IL17RE: variants seen among roughly 807,000 people sequenced by gnomAD.
IL17RE encodes interleukin-17 receptor E.
IL17RE carries 47 observed loss-of-function variants against 70.7 expected under a neutral mutation model. The ratio of observed to expected loss-of-function variants is 0.67; its 90% confidence interval spans 0.53 to 0.85. The LOEUF is 0.85. Among genes scored for constraint, IL17RE ranks in the 40% least tolerant of loss-of-function variants. IL17RE has a pLI of 0.00. For synonymous variants in IL17RE, 372 were observed against 381.2 expected (o/e 0.98, Z 0.28); for missense variants, 850 against 893.9 (o/e 0.95, Z 0.63).
At chr3:9,903,778 T>C (rs1188765295) in intron 2 of IL17RE, among the ~76,000 whole-genome samples, 6 of 152,260 alleles carry the variant, frequency 3.9e-5, no homozygotes, top group African/African-American at 1.2e-4. Flanking sequence ...CCCTCACTTC[T>C]ATCAGTAATA....
intron 12 of IL17RE, among the ~76,000 whole-genome samples, chr3:9,913,668 G>A (rs987683725): frequency 6.6e-6 from 1 of 152,204 alleles, no homozygotes; most frequent in Non-Finnish European, 1.5e-5. Flanking sequence ...AGCTGCTAGA[G>A]GACACAGACA....
At chr3:9,906,657 C>A (rs1379174579) in intron 4 of IL17RE, 49 bp from the exon 5 acceptor site, 3 of 1,604,764 alleles carry the variant, frequency 1.9e-6, no homozygotes, top group South Asian at 2.2e-5. Context: ...AAACAGAAGC[C>A]AGGTTTCCTG....
chr3:9,914,842 A>G (rs1208415767), intron 15 of IL17RE, 65 bp downstream of exon 15: 1 of 1,319,738 alleles, frequency 7.6e-7, no homozygotes, highest in African/African-American at 1.5e-5. Flanking sequence ...CTGCCCCCTC[A>G]CCCTCCCCTG....
rs2082829540 is a variant in IL17RE at position 9,909,162 on chromosome 3, G to C, written c.736-55G>C. On this transcript the variant is annotated intron_variant, in intron 7 of 15. Coordinates refer to ENST00000383814, the MANE Select transcript of IL17RE (RefSeq NM_153480.2). ...AAGCCAGAATGAGTTTTAGGTCTGA[G>C]TGAGATTGGAAAAGCCATTCCTCTG... is the stretch of plus-strand genomic sequence containing the variant. 2.8e-6 allele frequency: 4 copies of C among 1,438,154 alleles called. No individual in the cohort carries two copies. The East Asian group carries it at 9.1e-5, about 33-fold the overall frequency. 89.1% of individuals were successfully genotyped at this position (1,438,154 alleles called of 1,614,324 possible).
rs201328206 is a variant in IL17RE, at chr3:9,909,300, C to A, written c.802+17C>A. On this transcript the variant is annotated intron_variant, in intron 8 of 15. Transcript: ENST00000383814. ...CAGAAGCCTGTGAGTGCTGTTGACACGCACCCTTGTGCACACACATCCCCT... is the reference window on the plus strand; with the variant it reads ...CAGAAGCCTGTGAGTGCTGTTGACAAGCACCCTTGTGCACACACATCCCCT... 5.0e-6 allele frequency: 8 copies of A among 1,608,858 alleles called. No individual in the cohort carries two copies. Among genetic ancestry groups the A allele is most frequent in the Admixed American group, 3.3e-5 (2 of 59,834 alleles).
At position 9,911,007 on chromosome 3, in the gene IL17RE, C is replaced by T; in HGVS notation, c.945C>T (p.Asp315=). Reference sequence around the variant, plus strand: ...ACGACTGGCATACCCTTTGCAAAGACCTCCCGAATGCCACAGCTCGAGAGT... The same window carrying T: ...ACGACTGGCATACCCTTTGCAAAGATCTCCCGAATGCCACAGCTCGAGAGT... The part of the protein sequence containing the change: ...QRHDWHTLCK[D]LPNATARESD... Residue 315 remains aspartate, a synonymous_variant, in exon 9 of 16, where the codon GAC becomes GAT. Coordinates refer to ENST00000383814, the MANE Select transcript of IL17RE (RefSeq NM_153480.2). 1 of 1,614,188 alleles carries T rather than the reference C, an allele frequency of 6.2e-7. No individual in the cohort carries two copies. The highest frequency in any genetic ancestry group is 8.5e-7 in the Non-Finnish European group (1 of 1,180,034).
At position 9,904,064 on chromosome 3, in the gene IL17RE, T is replaced by C. The variant is rs762990550; in HGVS notation, c.181T>C (p.Trp61Arg). The change falls in exon 3 of 16, where the codon TGG (tryptophan) becomes CGG (arginine). Residue 61 changes from tryptophan to arginine, a missense_variant. Trp to Arg is a moderately radical substitution (Grantham distance 101). Coordinates refer to ENST00000383814, the MANE Select transcript of IL17RE (RefSeq NM_153480.2). ...SSAYIPCRTW[W>R]ALFSTKPWCV... ...TGCCTATATCCCTTGCCGCACCTGGTGGGCCCTCTTCTCCACAAAGCCTTG... is the reference window on the plus strand; with the variant it reads ...TGCCTATATCCCTTGCCGCACCTGGCGGGCCCTCTTCTCCACAAAGCCTTG... 1.5e-5 allele frequency: 24 copies of C among 1,614,174 alleles called. No homozygotes were observed. The highest frequency in any genetic ancestry group is 1.9e-5 in the Non-Finnish European group (22 of 1,180,010).
chr3:9,906,427 T>A lies in IL17RE; in HGVS notation c.332T>A (p.Phe111Tyr). 1.2e-6 allele frequency: 2 copies of A among 1,613,868 alleles called. No homozygotes were observed. The highest frequency in any genetic ancestry group is 1.7e-6 in the Non-Finnish European group (2 of 1,179,838). ...TCCAAAAAGTCTTCCACATTCAAGT[T>A]CTATAGGAGACACAAGATGCCAGCA... is the stretch of plus-strand genomic sequence containing the variant. ...QKSKKSSTFK[F>Y]YRRHKMPAPA... Residue 111 changes from phenylalanine to tyrosine, a missense_variant, in exon 4 of 16, where the codon TTC becomes TAC. Physicochemically the swap from Phe to Tyr is conservative, Grantham distance 22. Transcript: ENST00000383814.
At position 9,915,472 on chromosome 3, in the gene IL17RE, C is replaced by T. The variant is rs1306156830; in HGVS notation, c.1669C>T (p.Leu557=). ...RVAREQGTVL[L]LWSGADLRPV... Reference sequence around the variant, plus strand: ...AGCGCGGGAGCAGGGCACTGTGCTGCTGCTGTGGAGCGGCGCCGACCTTCG... The same window carrying T: ...AGCGCGGGAGCAGGGCACTGTGCTGTTGCTGTGGAGCGGCGCCGACCTTCG... Residue 557 remains leucine, a synonymous_variant, in exon 16 of 16, where the codon CTG becomes TTG. Transcript: ENST00000383814. This position sits in a 1 kb window ranked among gnomAD's most constrained non-coding sequence, Gnocchi z 4.9. 7.5e-7 allele frequency: 1 copy of T among 1,339,372 alleles called. No individual in the cohort carries two copies. The allele number at this position is 1,339,372 out of a possible 1,614,324, so 83.0% of individuals were successfully genotyped here.
Position 9,909,374 on chromosome 3 carries a change from C to CACA in IL17RE, c.802+91_802+92insACA, listed in dbSNP as rs60406150. The CACA allele has an allele frequency of 5.1e-3, 5,637 of 1,109,154 alleles. 140 individuals carry two copies. In the African/African-American group the frequency reaches 0.072, roughly 14 times the overall value. 68.7% of individuals were successfully genotyped at this position (1,109,154 alleles called of 1,614,324 possible). ...ACATGTACACACACACACACACACA[C>CACA]CCCGCACTTCACACATGTGCTGGGG... On this transcript the variant is annotated intron_variant, in intron 8 of 15. Coordinates refer to ENST00000383814, the MANE Select transcript of IL17RE (RefSeq NM_153480.2).
chr3:9,910,557 G>C (rs1291138315), intron 8 of IL17RE, among the ~76,000 whole-genome samples: 1 of 151,936 alleles, frequency 6.6e-6, no homozygotes, highest in Non-Finnish European at 1.5e-5. Flanking sequence ...AGCTGGGCTT[G>C]GTGGCACACA....
At position 9,914,542 on chromosome 3, in the gene IL17RE, C is replaced by T; in HGVS notation, c.1297-6C>T. 1.2e-6 allele frequency: 2 copies of T among 1,613,944 alleles called. No homozygotes were observed. The highest frequency in any genetic ancestry group is 1.7e-6 in the Non-Finnish European group (2 of 1,179,904). On this transcript the variant is annotated splice_polypyrimidine_tract_variant and splice_region_variant and intron_variant, in intron 13 of 15. Transcript: ENST00000383814. ...CTCATAGGGGTGGGGGGCTCTGTGC[C>T]CTCAGGTGTGGCGGTCAGATGTCCA...
In IL17RE at chr3:9,910,995, C is replaced by A. The variant is rs145456985; in HGVS notation, c.933C>A (p.Thr311=). ...AALCQRHDWH[T]LCKDLPNATA... The stretch of plus-strand genomic sequence containing the variant: ...TCTGCCAGAGGCACGACTGGCATAC[C>A]CTTTGCAAAGACCTCCCGAATGCCA... Residue 311 remains threonine (T), a synonymous_variant, in exon 9 of 16, where the codon ACC becomes ACA. Transcript: ENST00000383814. 2.4e-5 allele frequency: 39 copies of A among 1,614,036 alleles called. No homozygotes were observed. The highest frequency in any genetic ancestry group is 2.7e-5 in the African/African-American group (2 of 74,912).
chr3:9,910,210 A>G (rs1291358270), intron 8 of IL17RE: 2 of 152,342 alleles, frequency 1.3e-5, no homozygotes, highest in Non-Finnish European at 2.9e-5. Context: ...TACTAAAAAT[A>G]CAAAAAGTTA....
chr3:9,914,327 T>C, intron 13 of IL17RE: 1 of 1,274,888 alleles, frequency 7.8e-7, no homozygotes, highest in Non-Finnish European at 1.0e-6. Context: ...GCAGCCCTGG[T>C]CAACTTTGAG....
intron 7 of IL17RE, 33 bp downstream of exon 7, chr3:9,908,340 G>A (rs1296092099): frequency 2.5e-6 from 4 of 1,589,442 alleles, no homozygotes; most frequent in Non-Finnish European, 2.6e-6. Flanking sequence ...GCTGTCCATG[G>A]CTCTGCTCCT....
intron 2 of IL17RE, among the ~76,000 whole-genome samples, 190 bp downstream of exon 2, chr3:9,903,602 G>A (rs186463452): frequency 5.3e-4 from 80 of 152,298 alleles, no homozygotes; most frequent in Admixed American, 5.2e-3. Context: ...CTCAGACTGT[G>A]CACCTAACCC....
chr3:9,905,662 T>C (rs759022285), intron 3 of IL17RE, among the ~76,000 whole-genome samples: 8 of 151,482 alleles, frequency 5.3e-5, no homozygotes, highest in Non-Finnish European at 1.0e-4. Context: ...CTACTAAAAG[T>C]ACAAAAAATT....
chr3:9,908,579 G>A (rs2082813915), intron 7 of IL17RE, among the ~76,000 whole-genome samples: 2 of 152,220 alleles, frequency 1.3e-5, no homozygotes, highest in South Asian at 4.1e-4. Flanking sequence ...TCAGCCCACA[G>A]AGCCAGAATA....
Sources: allele counts gnomAD v4.1 joint callset (sites outside exome capture counted in the v4.1 genomes callset), GRCh38; gene constraint gnomAD v4.1.1; non-coding constraint Gnocchi (gnomAD v3.1); transcripts MANE v1.5; gene names NCBI Gene and HGNC (gene_info 2026-07-23, HGNC 2026-07-21).